ZNF804B: variants seen among roughly 807,000 people sequenced by gnomAD.
ZNF804B encodes the protein zinc finger protein 804B.
Under a neutral mutation model 101.4 loss-of-function variants are expected in ZNF804B, and 80 were observed. The observed-to-expected ratio is 0.79, with a 90% CI of 0.66 to 0.95. The LOEUF (loss-of-function observed/expected upper bound fraction) is 0.95. Ranked by LOEUF, ZNF804B falls within the 40% of genes least tolerant of loss-of-function variation. The probability of loss-of-function intolerance (pLI) is 0.00; values close to 1 mark genes in which losing one functional copy is unlikely to be tolerated. For missense variants in ZNF804B, 1,673 were observed against 1,561.9 expected, an observed-to-expected ratio of 1.07 and a Z score of -1.20; for synonymous variants, 622 against 558.8, an observed-to-expected ratio of 1.11 and a Z score of -1.59.
At chr7:89,060,577 GC>G (rs1357528356) in intron 1 of ZNF804B, among the ~76,000 whole-genome samples, 2 of 152,048 alleles carry the variant, frequency 1.3e-5, no homozygotes, top group Non-Finnish European at 2.9e-5. Flanking sequence ...AGGAGAAAAT[GC>G]AGGTGAAAAA....
At chr7:88,909,906 T>G (rs548643268) in intron 1 of ZNF804B, among the ~76,000 whole-genome samples, 1 of 151,988 alleles carries the variant, frequency 6.6e-6, no homozygotes, top group African/African-American at 2.4e-5. Flanking sequence ...TATTTCATAT[T>G]TCTGTTATTA....
intron 1 of ZNF804B, among the ~76,000 whole-genome samples, chr7:88,906,283 T>C (rs990536951): frequency 2.0e-5 from 3 of 152,180 alleles, no homozygotes; most frequent in Admixed American, 1.3e-4. Context: ...CACTTTTAGT[T>C]ATTTCTTATC....
At chr7:89,275,218 T>A (rs1443728498) in intron 2 of ZNF804B, among the ~76,000 whole-genome samples, 2 of 152,118 alleles carry the variant, frequency 1.3e-5, no homozygotes, top group Admixed American at 1.3e-4. Flanking sequence ...TCTTTTTCTT[T>A]CTCATTACAC....
chr7:89,016,866 CTG>C (rs997909455), intron 1 of ZNF804B, among the ~76,000 whole-genome samples: 1 of 152,176 alleles, frequency 6.6e-6, no homozygotes, highest in Non-Finnish European at 1.5e-5. Context: ...TTTTCCAATT[CTG>C]TGAAGAAAGT....
At chr7:89,027,298 T>TA (rs1433531774) in intron 1 of ZNF804B, among the ~76,000 whole-genome samples, 2 of 151,964 alleles carry the variant, frequency 1.3e-5, no homozygotes, top group Admixed American at 6.6e-5. Flanking sequence ...GGAATAAAAA[T>TA]AAGAGTCCTT....
At chr7:89,033,907 C>G (rs1442685402) in intron 1 of ZNF804B, among the ~76,000 whole-genome samples, 1 of 151,980 alleles carries the variant, frequency 6.6e-6, no homozygotes, top group African/African-American at 2.4e-5. Context: ...GAACTATGAT[C>G]ATTTATTGCA....
At chr7:89,204,035 T>C (rs1323184227) in intron 1 of ZNF804B, among the ~76,000 whole-genome samples, 1 of 152,208 alleles carries the variant, frequency 6.6e-6, no homozygotes, top group Non-Finnish European at 1.5e-5. Context: ...AGATCAGCAT[T>C]GTTTAATGGT....
intron 1 of ZNF804B, among the ~76,000 whole-genome samples, chr7:89,039,383 T>C (rs568535359): frequency 1.3e-5 from 2 of 152,132 alleles, no homozygotes; most frequent in African/African-American, 4.8e-5. Context: ...ATTTCTTTTA[T>C]TATTGTGTTT....
chr7:89,007,213 G>A (rs1788379345), intron 1 of ZNF804B, among the ~76,000 whole-genome samples: 2 of 151,746 alleles, frequency 1.3e-5, no homozygotes, highest in Admixed American at 1.3e-4. Context: ...TCTAGAGGAG[G>A]CATCTCTTAC....
chr7:88,925,028 T>C (rs1266008097), intron 1 of ZNF804B, among the ~76,000 whole-genome samples: 1 of 152,232 alleles, frequency 6.6e-6, no homozygotes, highest in Non-Finnish European at 1.5e-5. Context: ...TCTGTACTTT[T>C]AGTTAGGGCA....
chr7:88,991,819 A>G (rs1389470155), intron 1 of ZNF804B, among the ~76,000 whole-genome samples: 1 of 152,158 alleles, frequency 6.6e-6, no homozygotes, highest in Non-Finnish European at 1.5e-5. Flanking sequence ...AACATTTCAC[A>G]TTATGAGGCT....
chr7:89,198,827 A>G (rs566501402), intron 1 of ZNF804B, among the ~76,000 whole-genome samples: 171 of 152,110 alleles, frequency 1.1e-3, no homozygotes, highest in African/African-American at 3.9e-3. Flanking sequence ...CACAGTAGCA[A>G]AAGGTCATGT....
At chr7:89,042,198 A>G (rs1789026108) in intron 1 of ZNF804B, among the ~76,000 whole-genome samples, 1 of 152,180 alleles carries the variant, frequency 6.6e-6, no homozygotes. Flanking sequence ...TGCACTTCGA[A>G]CAAGTTATTC....
intron 1 of ZNF804B, among the ~76,000 whole-genome samples, chr7:88,936,425 A>T (rs1056681660): frequency 2.6e-5 from 4 of 152,086 alleles, no homozygotes; most frequent in Admixed American, 2.6e-4. Context: ...TAAACATGGG[A>T]GTCCTGCAAA....
chr7:88,784,094 A>G (rs982587898), intron 1 of ZNF804B, among the ~76,000 whole-genome samples: 4 of 152,166 alleles, frequency 2.6e-5, no homozygotes, highest in East Asian at 1.9e-4. Context: ...ACTTGCTAGC[A>G]TGCCCTAACT....
intron 1 of ZNF804B, among the ~76,000 whole-genome samples, chr7:89,020,595 A>G (rs1431472987): frequency 6.6e-6 from 1 of 152,126 alleles, no homozygotes; most frequent in African/African-American, 2.4e-5. Flanking sequence ...GGATGTGGAT[A>G]TACACCTTTC....
At chr7:89,151,506 A>T (rs190901451) in intron 1 of ZNF804B, among the ~76,000 whole-genome samples, 87 of 152,210 alleles carry the variant, frequency 5.7e-4, no homozygotes, top group African/African-American at 1.9e-3. Context: ...ACAGAAAATA[A>T]TTTGTTTCAC....
chr7:89,192,363 A>G (rs1788468913), intron 1 of ZNF804B, among the ~76,000 whole-genome samples: 1 of 151,986 alleles, frequency 6.6e-6, no homozygotes, highest in Admixed American at 6.6e-5. Flanking sequence ...ACCCATCCAC[A>G]GGGGAATGGA....
intron 1 of ZNF804B, among the ~76,000 whole-genome samples, chr7:88,958,877 G>A (rs867642061): frequency 2.0e-5 from 3 of 151,460 alleles, no homozygotes; most frequent in Middle Eastern, 6.8e-3. Context: ...CTGGAGAGGT[G>A]GACATATTAT....
Sources: allele counts gnomAD v4.1 joint callset (sites outside exome capture counted in the v4.1 genomes callset), GRCh38; gene constraint gnomAD v4.1.1; transcripts MANE v1.5; gene names NCBI Gene and HGNC (gene_info 2026-07-23, HGNC 2026-07-21).